ENTPD1: variants seen among roughly 807,000 people sequenced by gnomAD.
ENTPD1 encodes the protein ectonucleoside triphosphate diphosphohydrolase 1.
In ENTPD1, 33 loss-of-function variants were observed where a neutral mutation model predicts 57.0. That is an observed-to-expected ratio of 0.58 (90% CI 0.44 to 0.77). ENTPD1 has a LOEUF of 0.77. Among genes scored for constraint, ENTPD1 ranks in the 30% least tolerant of loss-of-function variants. The probability of loss-of-function intolerance (pLI) is 0.00; values close to 1 mark genes in which losing one functional copy is unlikely to be tolerated. For missense variants in ENTPD1, 501 were observed against 603.4 expected, an observed-to-expected ratio of 0.83 and a Z score of 1.78; for synonymous variants, 202 against 218.8, an observed-to-expected ratio of 0.92 and a Z score of 0.68.
chr10:95,737,510 G>A (rs1233430030), intron 1 of ENTPD1, among the ~76,000 whole-genome samples: 1 of 151,840 alleles, frequency 6.6e-6, no homozygotes, highest in South Asian at 2.1e-4. Flanking sequence ...TCAGCCTCCT[G>A]AGTAGCTGGG....
At chr10:95,844,943 T>G in intron 5 of ENTPD1, 1 of 477,718 alleles carries the variant, frequency 2.1e-6, no homozygotes, top group Middle Eastern at 6.0e-4. Flanking sequence ...TGTCTCCCGC[T>G]GTGCTCAGCA....
At position 95,847,503 on chromosome 10, in the gene ENTPD1, G is replaced by A. The variant is rs766776589; in HGVS notation, c.871G>A (p.Val291Met). ...PCFHPGYKKV[V>M]NVSDLYKTPC... The stretch of plus-strand genomic sequence containing the variant: ...CTTTCATCCTGGATATAAGAAGGTA[G>A]TGAACGTAAGTGACCTTTACAAGAC... The change falls in exon 7 of 10, where the codon GTG becomes ATG. Residue 291 changes from valine to methionine, a missense_variant. Coordinates refer to ENST00000371205, the MANE Select transcript of ENTPD1 (RefSeq NM_001776.6). The A allele has an allele frequency of 2.4e-5, 39 of 1,614,050 alleles. No individual in the cohort carries two copies. Among genetic ancestry groups the A allele is most frequent in the Non-Finnish European group, 3.0e-5 (35 of 1,180,026 alleles).
At chr10:95,700,549 A>T in the ENTPD1 span, among the ~76,000 whole-genome samples, 1 of 151,948 alleles carries the variant, frequency 6.6e-6, no homozygotes, top group Non-Finnish European at 1.5e-5. Flanking sequence ...ATACCTGGGC[A>T]TGGTGGCACG....
intron 1 of ENTPD1, among the ~76,000 whole-genome samples, chr10:95,731,113 A>G (rs1007133570): frequency 5.9e-5 from 9 of 152,252 alleles, no homozygotes; most frequent in African/African-American, 1.9e-4. Context: ...TAAACATGTC[A>G]TAATATTTTT....
In ENTPD1 at chr10:95,876,648, T is replaced by C. The variant is rs999982278; in HGVS notation, c.*10265T>C. 114 of 1,228,412 alleles carry C rather than the reference T, an allele frequency of 9.3e-5. 2 individuals carry two copies. Among genetic ancestry groups the C allele is most frequent in the Admixed American group, 1.3e-4 (3 of 23,632 alleles). 76.1% of individuals were successfully genotyped at this position (1,228,412 alleles called of 1,614,324 possible). A position where few individuals can be genotyped will look rare whatever the true frequency, so the allele number is the denominator to read the frequency against. On this transcript the variant is annotated 3_prime_UTR_variant, in exon 10 of 10. Transcript: ENST00000371205. ...TTGAAGGATGTATTTGGCTGTCTTC[T>C]GGACAGGCCATTCTAATAACAGAAA...
Position 95,869,614 on chromosome 10 carries a change from AAG to A in ENTPD1, c.*3235_*3236del. The A allele has an allele frequency of 2.0e-6, 2 of 985,348 alleles. No homozygotes were observed. Among genetic ancestry groups the A allele is most frequent in the Non-Finnish European group, 2.4e-6 (2 of 829,884 alleles). The allele number at this position is 985,348 out of a possible 1,614,324, so 61.0% of individuals were successfully genotyped here. ...TAATCAGGCTTTCTGTGTGACAAGA[AAG>A]AGAAAGAAAATAAAGAAGTTTCAAT... is the stretch of plus-strand genomic sequence containing the variant. On this transcript the variant is annotated 3_prime_UTR_variant, in exon 10 of 10. Transcript: ENST00000371205.
rs1335482211 is a variant in ENTPD1 at position 95,877,189 on chromosome 10, T to C, written c.*10806T>C. ...TTGAGAAGGTGGAAAATGCAAATTATATACTTTAAAATGTAATTTTTGCTT... is the reference window on the plus strand; with the variant it reads ...TTGAGAAGGTGGAAAATGCAAATTACATACTTTAAAATGTAATTTTTGCTT... On this transcript the variant is annotated 3_prime_UTR_variant, in exon 10 of 10. Transcript: ENST00000371205. 6.6e-6 allele frequency among the ~76,000 whole-genome samples: 1 copy of C among 152,248 alleles called. No individual in the cohort carries two copies. The highest frequency in any genetic ancestry group is 6.5e-5 in the Admixed American group (1 of 15,284).
Position 95,871,787 on chromosome 10 carries a change from G to A in ENTPD1, c.*5404G>A, listed in dbSNP as rs138099919. On this transcript the variant is annotated 3_prime_UTR_variant, in exon 10 of 10. Coordinates refer to ENST00000371205, the MANE Select transcript of ENTPD1 (RefSeq NM_001776.6). ...ACTTGTTTTTATAACCCCTTTGCAT[G>A]TATGTTGAATAGCAAAGTTCATCAG... 2.0e-6 allele frequency: 2 copies of A among 985,418 alleles called. No homozygotes were observed. The highest frequency in any genetic ancestry group is 3.5e-5 in the African/African-American group (2 of 57,344). The allele number at this position is 985,418 out of a possible 1,614,324, so 61.0% of individuals were successfully genotyped here.
At chr10:95,767,408 AC>A (rs1198055078) in intron 1 of ENTPD1, among the ~76,000 whole-genome samples, 1 of 151,456 alleles carries the variant, frequency 6.6e-6, no homozygotes, top group Non-Finnish European at 1.5e-5. Context: ...GTAATTTTTG[AC>A]CCCATTATGA....
chr10:95,748,620 C>G (rs2098008599), intron 1 of ENTPD1, among the ~76,000 whole-genome samples: 1 of 152,174 alleles, frequency 6.6e-6, no homozygotes, highest in Admixed American at 6.5e-5. Context: ...AGCCACAATA[C>G]TACTATCATA....
At chr10:95,772,393 T>C (rs556272967) in intron 1 of ENTPD1, among the ~76,000 whole-genome samples, 1 of 152,362 alleles carries the variant, frequency 6.6e-6, no homozygotes, top group Admixed American at 6.5e-5. Flanking sequence ...TGCTGTTTCA[T>C]TGAGCAAGTT....
upstream of ENTPD1, chr10:95,755,576 C>A: frequency 2.3e-6 from 2 of 858,260 alleles, no homozygotes; most frequent in Non-Finnish European, 3.6e-6. Flanking sequence ...TCCCATTGAG[C>A]AGCTCCTCTG....
intron 1 of ENTPD1, among the ~76,000 whole-genome samples, chr10:95,799,578 C>T (rs568289544): frequency 6.6e-6 from 1 of 152,206 alleles, no homozygotes; most frequent in African/African-American, 2.4e-5. Flanking sequence ...CGTGTCTCTG[C>T]TATTGTGAAT....
At chr10:95,761,584 T>G (rs1442770869) in intron 1 of ENTPD1, among the ~76,000 whole-genome samples, 1 of 152,182 alleles carries the variant, frequency 6.6e-6, no homozygotes, top group Non-Finnish European at 1.5e-5. Context: ...ATGGGAAGCC[T>G]AATTCATTTA....
chr10:95,755,383 C>T (rs2098019754), upstream of ENTPD1: 1 of 291,346 alleles, frequency 3.4e-6, no homozygotes. Flanking sequence ...AGGATTAGCC[C>T]TTGTTTTGAT....
chr10:95,696,735 T>A, the ENTPD1 span, among the ~76,000 whole-genome samples: 18 of 152,332 alleles, frequency 1.2e-4, no homozygotes, highest in East Asian at 3.5e-3. Context: ...GGGGACCAAG[T>A]CTTAAATTGA....
intron 7 of ENTPD1, among the ~76,000 whole-genome samples, chr10:95,855,850 C>G (rs934361034): frequency 6.6e-6 from 1 of 152,196 alleles, no homozygotes; most frequent in African/African-American, 2.4e-5. Flanking sequence ...CCCGACCTTT[C>G]TCTCTGGCTG....
At chr10:95,728,475 A>G (rs1327040915) in intron 1 of ENTPD1, among the ~76,000 whole-genome samples, 2 of 152,226 alleles carry the variant, frequency 1.3e-5, no homozygotes, top group African/African-American at 4.8e-5. Flanking sequence ...TTTATGGTAC[A>G]TATCAAGCAA....
chr10:95,735,575 ATTAT>A (rs1182238296), intron 1 of ENTPD1, among the ~76,000 whole-genome samples: 6 of 152,188 alleles, frequency 3.9e-5, no homozygotes, highest in African/African-American at 1.2e-4. Context: ...ATTTAATACA[ATTAT>A]TTATTTATTT....
Sources: allele counts gnomAD v4.1 joint callset (sites outside exome capture counted in the v4.1 genomes callset), GRCh38; gene constraint gnomAD v4.1.1; transcripts MANE v1.5; gene names NCBI Gene and HGNC (gene_info 2026-07-23, HGNC 2026-07-21).